Variants in ZNF423 observed in about 807,000 individuals in gnomAD.
The protein encoded by ZNF423 is Ebf-associated zinc finger protein.
ZNF423 carries 12 observed loss-of-function variants against 95.8 expected under a neutral mutation model. That is an observed-to-expected ratio of 0.13 (90% CI 0.08 to 0.20). ZNF423 has a LOEUF of 0.20. Ranked by LOEUF, ZNF423 falls within the 10% of genes least tolerant of loss-of-function variation. ZNF423 has a pLI of 1.00. For synonymous variants in ZNF423, 749 were observed against 711.9 expected (o/e 1.05, Z -0.83); for missense variants, 1,316 against 1,737.1 (o/e 0.76, Z 4.31).
intron 3 of ZNF423, among the ~76,000 whole-genome samples, chr16:49,707,691 A>G (rs559788159): frequency 2.0e-5 from 3 of 152,148 alleles, no homozygotes; most frequent in Admixed American, 2.0e-4. Context: ...TAAAATAACT[A>G]TAAAGAAGCC....
intron 3 of ZNF423, among the ~76,000 whole-genome samples, chr16:49,719,851 A>G (rs2032814710): frequency 6.6e-6 from 1 of 152,234 alleles, no homozygotes; most frequent in Non-Finnish European, 1.5e-5. Context: ...GTGAAAATGA[A>G]CTAATATACT....
At chr16:49,725,813 C>T (rs756845714) in intron 3 of ZNF423, among the ~76,000 whole-genome samples, 13 of 152,228 alleles carry the variant, frequency 8.5e-5, no homozygotes, top group Non-Finnish European at 1.8e-4. Context: ...CAGCACCAGA[C>T]TGCCAGCCCC....
intron 5 of ZNF423, among the ~76,000 whole-genome samples, chr16:49,557,164 G>A (rs1467988125): frequency 6.6e-6 from 1 of 152,230 alleles, no homozygotes; most frequent in Non-Finnish European, 1.5e-5. Context: ...GGGCGTGCAG[G>A]GCGGCAGAGG....
In ZNF423 at chr16:49,657,716, C is replaced by T. The variant is rs566121503; in HGVS notation, c.302-18842G>A. 4.5e-4 allele frequency among the ~76,000 whole-genome samples: 69 copies of T among 152,366 alleles called. 1 individual carries two copies. The South Asian group carries it at 0.014, about 31-fold the overall frequency. ...ACCCCAAAATCGGCCTTTCCCTGGC[C>T]CTGTCTCCTCCGTCCTACTTCCTGG... is the stretch of plus-strand genomic sequence containing the variant. On this transcript the variant is annotated intron_variant, in intron 3 of 7. Coordinates refer to ENST00000563137, the MANE Select transcript of ZNF423 (RefSeq NM_001379286.1).
chr16:49,622,436 C>T (rs960911507), intron 5 of ZNF423, among the ~76,000 whole-genome samples: 5 of 152,094 alleles, frequency 3.3e-5, no homozygotes, highest in Admixed American at 3.3e-4. Flanking sequence ...TGCTCACCCC[C>T]CATCCTGCTA....
intron 2 of ZNF423, among the ~76,000 whole-genome samples, chr16:49,734,770 C>A (rs1040927613): frequency 6.6e-6 from 1 of 152,226 alleles, no homozygotes; most frequent in African/African-American, 2.4e-5. Context: ...ATGCTTTCCA[C>A]GATGGACAAC....
At chr16:49,698,971 A>G (rs2032074918) in intron 3 of ZNF423, among the ~76,000 whole-genome samples, 1 of 152,244 alleles carries the variant, frequency 6.6e-6, no homozygotes, top group Admixed American at 6.5e-5. Context: ...CTTGTAAAAT[A>G]CTTCCCCAGA....
At chr16:49,598,529 G>T (rs191034387) in intron 5 of ZNF423, among the ~76,000 whole-genome samples, 95 of 152,368 alleles carry the variant, frequency 6.2e-4, no homozygotes, top group African/African-American at 2.2e-3. Context: ...AAAGGGGGCT[G>T]CCTGGAGATT....
intron 5 of ZNF423, among the ~76,000 whole-genome samples, chr16:49,595,722 A>T (rs1219463749): frequency 6.6e-6 from 1 of 152,242 alleles, no homozygotes; most frequent in Non-Finnish European, 1.5e-5. Context: ...CCTGGAAAAT[A>T]AAAATATCAA....
intron 5 of ZNF423, among the ~76,000 whole-genome samples, chr16:49,622,187 G>A (rs4490001): frequency 0.22 from 33,675 of 152,090 alleles, 4,173 homozygotes; most frequent in African/African-American, 0.33. Context: ...TGATGATTGC[G>A]GGAATGTGAA....
intron 3 of ZNF423, among the ~76,000 whole-genome samples, chr16:49,677,277 A>AAGGGAAGGGAAGGGAAGGGAAGG (rs1253972000): frequency 6.4e-5 from 5 of 77,646 alleles, no homozygotes; most frequent in Non-Finnish European, 7.9e-5. Context: ...AGAAGAGAAG[A>AAGGGAAGGGAAGGGAAGGGAAGG]GAAGAGAAGA....
Position 49,793,015 on chromosome 16 carries a change from A to G in ZNF423, c.41-3469T>C, listed in dbSNP as rs4785356. On this transcript the variant is annotated intron_variant, in intron 1 of 7. Transcript: ENST00000563137. ...AAACTCCTGGGCTCAAGTGATCTCC[A>G]CCTCAGCCTCCCAAAGCACTGGGGT... 3.1e-3 allele frequency among the ~76,000 whole-genome samples: 471 copies of G among 151,998 alleles called. 2 individuals are homozygous for G. Among genetic ancestry groups the G allele is most frequent in the African/African-American group, 9.5e-3 (393 of 41,434 alleles).
intron 3 of ZNF423, among the ~76,000 whole-genome samples, chr16:49,700,764 C>T (rs1334527900): frequency 6.6e-6 from 1 of 152,196 alleles, no homozygotes; most frequent in East Asian, 1.9e-4. Context: ...AACCCCCCTC[C>T]TTGGGCCCCC....
chr16:49,690,394 C>T (rs1402641836), intron 3 of ZNF423, among the ~76,000 whole-genome samples: 1 of 152,128 alleles, frequency 6.6e-6, no homozygotes, highest in Non-Finnish European at 1.5e-5. Flanking sequence ...CATAGTAGTG[C>T]ACACCTGGAG....
chr16:49,632,835 G>A (rs113511677), intron 4 of ZNF423, among the ~76,000 whole-genome samples: 4,656 of 152,248 alleles, frequency 0.031, 93 homozygotes, highest in Middle Eastern at 0.099. Context: ...GGCTCACACA[G>A]CCCAAGGCTT....
intron 2 of ZNF423, among the ~76,000 whole-genome samples, chr16:49,786,029 C>CA (rs1428453940): frequency 6.6e-6 from 1 of 152,236 alleles, no homozygotes; most frequent in Admixed American, 6.5e-5. Context: ...TCCACACCTC[C>CA]AAGGCACCCC....
At chr16:49,530,558 C>A (rs1462131378) in intron 5 of ZNF423, among the ~76,000 whole-genome samples, 1 of 152,154 alleles carries the variant, frequency 6.6e-6, no homozygotes, top group Admixed American at 6.5e-5. Flanking sequence ...AGACGCTTGA[C>A]GAGCAGGAAA....
At chr16:49,769,802 C>G (rs1329978539) in intron 2 of ZNF423, among the ~76,000 whole-genome samples, 1 of 151,206 alleles carries the variant, frequency 6.6e-6, no homozygotes, top group Non-Finnish European at 1.5e-5. Flanking sequence ...TCCAAGCCCA[C>G]CTCTCCCTCC....
chr16:49,760,300 T>C (rs920299456), intron 2 of ZNF423, among the ~76,000 whole-genome samples: 1 of 58,232 alleles, frequency 1.7e-5, no homozygotes, highest in Non-Finnish European at 3.1e-5. Flanking sequence ...GATGAATGGA[T>C]GGATGGGTGG....
Sources: allele counts gnomAD v4.1 joint callset (sites outside exome capture counted in the v4.1 genomes callset), GRCh38; gene constraint gnomAD v4.1.1; transcripts MANE v1.5; gene names NCBI Gene and HGNC (gene_info 2026-07-23, HGNC 2026-07-21).